The following PARP11 variants were observed in gnomAD, a reference collection of about 807,000 sequenced individuals.
PARP11 encodes protein mono-ADP-ribosyltransferase PARP11.
PARP11 carries 31 observed loss-of-function variants against 42.9 expected under a neutral mutation model. That is an observed-to-expected ratio of 0.72 (90% CI 0.54 to 0.98). The LOEUF (loss-of-function observed/expected upper bound fraction) is 0.98, where lower values mean the gene tolerates loss of function less well. PARP11 is among the 50% of genes least tolerant of loss of function. The probability of loss-of-function intolerance (pLI) is 0.00; values close to 1 mark genes in which losing one functional copy is unlikely to be tolerated. For synonymous variants in PARP11, 137 were observed against 127.3 expected (o/e 1.08, Z -0.51); for missense variants, 365 against 413.1 (o/e 0.88, Z 1.01).
chr12:3,823,119 C>T (rs942775327), intron 4 of PARP11, among the ~76,000 whole-genome samples: 5 of 152,130 alleles, frequency 3.3e-5, no homozygotes. Context: ...TTGGAGGTTA[C>T]TAAATAAATT....
At chr12:3,871,718 TAAC>T (rs953650024) in intron 1 of PARP11, 1 of 152,170 alleles carries the variant, frequency 6.6e-6, no homozygotes, top group Non-Finnish European at 1.5e-5. Context: ...GTTTCAACCA[TAAC>T]AACAGAAGAA....
chr12:3,814,091 T>C lies in PARP11; in HGVS notation c.646A>G (p.Ile216Val), dbSNP rs764119678. 2.2e-5 allele frequency: 36 copies of C among 1,609,508 alleles called. No homozygotes were observed. The South Asian group carries it at 4.0e-4, about 18-fold the overall frequency. Residue 216 changes from isoleucine (I) to valine (V), a missense_variant, in exon 7 of 8, where the codon ATT (isoleucine) becomes GTT (valine). Transcript: ENST00000228820. ...TSSEFVEAIC[I>V]HNFDWRINGI... ...TTTATTCTCCAATCAAAGTTATGAA[T>C]GCAGATTGCTTCCACAAATTCACTG...
intron 1 of PARP11, among the ~76,000 whole-genome samples, chr12:3,858,335 C>T (rs1184379578): frequency 4.6e-5 from 7 of 152,150 alleles, no homozygotes. Context: ...ATTAACCATG[C>T]AGAGAAAGTG....
intron 1 of PARP11, chr12:3,841,338 C>T: frequency 8.2e-7 from 1 of 1,222,066 alleles, no homozygotes; most frequent in Non-Finnish European, 1.2e-6. Context: ...CTTACCTGTA[C>T]CCTCTGCACC....
intron 1 of PARP11, among the ~76,000 whole-genome samples, chr12:3,845,434 G>A (rs1243377179): frequency 1.3e-5 from 2 of 152,180 alleles, no homozygotes; most frequent in Non-Finnish European, 2.9e-5. Flanking sequence ...CCTGTGAACT[G>A]CAAACTTGCT....
chr12:3,837,755 T>C (rs1255243190), intron 1 of PARP11, among the ~76,000 whole-genome samples: 1 of 150,682 alleles, frequency 6.6e-6, no homozygotes, highest in Non-Finnish European at 1.5e-5. Flanking sequence ...AGTGAAGGCA[T>C]AAAGATGTTC....
intron 1 of PARP11, chr12:3,842,408 G>A: frequency 6.2e-7 from 1 of 1,610,722 alleles, no homozygotes; most frequent in Non-Finnish European, 8.5e-7. Context: ...CAGCCAAGCA[G>A]AAGTCGGGAT....
chr12:3,866,941 A>G (rs1285920978), intron 1 of PARP11, among the ~76,000 whole-genome samples: 1 of 152,242 alleles, frequency 6.6e-6, no homozygotes, highest in Non-Finnish European at 1.5e-5. Context: ...ATTTTGTTTT[A>G]CAATTGGACA....
At chr12:3,841,761 T>G in intron 1 of PARP11, 1 of 1,612,588 alleles carries the variant, frequency 6.2e-7, no homozygotes, top group Non-Finnish European at 8.5e-7. Context: ...ATGTTTGGCA[T>G]GGGTACCCTT....
intron 1 of PARP11, among the ~76,000 whole-genome samples, chr12:3,835,243 C>T (rs1947734013): frequency 6.6e-6 from 1 of 152,182 alleles, no homozygotes; most frequent in African/African-American, 2.4e-5. Flanking sequence ...GTGACCAGTA[C>T]ATAGTCTATG....
intron 1 of PARP11, among the ~76,000 whole-genome samples, chr12:3,871,217 T>A (rs959904530): frequency 2.6e-5 from 4 of 152,166 alleles, no homozygotes; most frequent in African/African-American, 9.7e-5. Flanking sequence ...TTATTGCAAA[T>A]ATGGAAATTA....
At chr12:3,847,397 G>A (rs1948024767) in intron 1 of PARP11, among the ~76,000 whole-genome samples, 2 of 152,142 alleles carry the variant, frequency 1.3e-5, no homozygotes, top group Non-Finnish European at 2.9e-5. Context: ...TATCACCCAT[G>A]TACATAGATG....
chr12:3,872,872 G>A lies in PARP11; in HGVS notation c.18+340C>T, dbSNP rs752870587. The A allele has an allele frequency of 1.1e-5, 10 of 870,518 alleles. No homozygotes were observed. The South Asian group carries it at 3.2e-4, about 28-fold the overall frequency. 53.9% of individuals were successfully genotyped at this position (870,518 alleles called of 1,614,324 possible). A position where few individuals can be genotyped will look rare whatever the true frequency, so the allele number is the denominator to read the frequency against. ...ACCCGGGAGACGGAGGTTGCGGTGG[G>A]CCGAGATCACGCCACTGCACTCCAG... On this transcript the variant is annotated intron_variant, in intron 1 of 7. Transcript: ENST00000228820.
chr12:3,824,471 G>C (rs1445210910), intron 4 of PARP11: 1 of 198,682 alleles, frequency 5.0e-6, no homozygotes, highest in East Asian at 1.9e-4. Context: ...TTGCCAACAG[G>C]AAGCATGTAT....
intron 1 of PARP11, 137 bp from the exon 2 acceptor site, chr12:3,830,155 A>G (rs958572526): frequency 4.5e-6 from 3 of 672,948 alleles, no homozygotes; most frequent in Non-Finnish European, 4.9e-6. Flanking sequence ...ACAGCTTTCT[A>G]TCTTTCATAT....
Position 3,812,081 on chromosome 12 carries a change from A to T in PARP11, c.*42T>A, listed in dbSNP as rs753294512. ...ACTGAAGAGCAAACCTTCCTGCAAAAAAGAATAAAGCTTCCTTGACCACCG... is the reference window on the plus strand; with the variant it reads ...ACTGAAGAGCAAACCTTCCTGCAAATAAGAATAAAGCTTCCTTGACCACCG... On this transcript the variant is annotated 3_prime_UTR_variant, in exon 8 of 8. Coordinates refer to ENST00000228820, the MANE Select transcript of PARP11 (RefSeq NM_020367.6). The T allele has an allele frequency of 1.4e-6, 2 of 1,459,532 alleles. No homozygotes were observed. Among genetic ancestry groups the T allele is most frequent in the African/African-American group, 2.9e-5 (2 of 69,954 alleles). 90.4% of individuals were successfully genotyped at this position (1,459,532 alleles called of 1,614,324 possible).
chr12:3,859,089 C>T (rs1948247883), intron 1 of PARP11, among the ~76,000 whole-genome samples: 1 of 147,158 alleles, frequency 6.8e-6, no homozygotes, highest in Non-Finnish European at 1.5e-5. Context: ...CAGAGCAAGA[C>T]TCCATCTCAA....
intron 1 of PARP11, among the ~76,000 whole-genome samples, chr12:3,859,763 A>G (rs144970299): frequency 2.1e-3 from 316 of 152,284 alleles, no homozygotes; most frequent in African/African-American, 7.1e-3. Flanking sequence ...AATAAAAAAT[A>G]CCATGCAAAC....
chr12:3,855,165 C>T (rs1313550229), intron 1 of PARP11, among the ~76,000 whole-genome samples: 4 of 152,224 alleles, frequency 2.6e-5, no homozygotes, highest in Non-Finnish European at 5.9e-5. Context: ...CACAAACCCA[C>T]AGCCAATATC....
Sources: gnomAD v4.1 joint callset for allele counts (sites outside exome capture counted in the v4.1 genomes callset) on GRCh38, gnomAD v4.1.1 for gene constraint, MANE v1.5 for transcripts, NCBI Gene and HGNC (gene_info 2026-07-23, HGNC 2026-07-21) for gene names.